SOX5: variants seen among roughly 807,000 people sequenced by gnomAD.
SOX5 encodes the protein transcription factor SOX-5.
Under a neutral mutation model 92.0 loss-of-function variants are expected in SOX5, and 9 were observed. That is an observed-to-expected ratio of 0.10 (90% confidence interval 0.06 to 0.17). The LOEUF (loss-of-function observed/expected upper bound fraction) is 0.17. SOX5 is among the 10% of genes least tolerant of loss of function. The probability of loss-of-function intolerance (pLI) is 1.00; values close to 1 mark genes in which losing one functional copy is unlikely to be tolerated. For missense variants in SOX5, 642 were observed against 944.5 expected, an observed-to-expected ratio of 0.68 and a Z score of 4.20; for synonymous variants, 344 against 336.3, an observed-to-expected ratio of 1.02 and a Z score of -0.25.
Position 24,457,538 on chromosome 12 carries a change from A to G in SOX5, c.-250-88899T>C, listed in dbSNP as rs986015562. Among the ~76,000 whole-genome samples, 5 of 152,172 alleles carry G rather than the reference A, an allele frequency of 3.3e-5. No homozygotes were observed. In the East Asian group the frequency reaches 9.6e-4, roughly 29 times the overall value. ...TAGCCTTGTGGGACTGTGTTTTCAT[A>G]GTAAGATAAGCCTTTGGATAATTTC... On this transcript the variant is annotated intron_variant, in intron 1 of 4. Coordinates refer to the SOX5 transcript ENST00000446891.
At chr12:24,329,204 T>A (rs1318194925) in intron 2 of SOX5, among the ~76,000 whole-genome samples, 1 of 152,242 alleles carries the variant, frequency 6.6e-6, no homozygotes, top group Non-Finnish European at 1.5e-5. Context: ...TATATTAGTC[T>A]GTTCTCACAC....
chr12:24,562,114 T>G (rs2291437), intron 1 of SOX5, among the ~76,000 whole-genome samples: 37,065 of 152,086 alleles, frequency 0.24, 6,506 homozygotes, highest in East Asian at 0.78. Context: ...TCGGGCCGCC[T>G]CCCACCTCTC....
intron 4 of SOX5, among the ~76,000 whole-genome samples, chr12:23,985,416 G>A (rs1419289719): frequency 6.6e-6 from 1 of 151,858 alleles, no homozygotes; most frequent in African/African-American, 2.4e-5. Flanking sequence ...TGCCTGGCCT[G>A]TATTTTTTAA....
At chr12:23,833,290 G>C (rs1267948715) in intron 3 of SOX5, among the ~76,000 whole-genome samples, 1 of 151,870 alleles carries the variant, frequency 6.6e-6, no homozygotes, top group East Asian at 1.9e-4. Context: ...AGAGGTTGTG[G>C]AGGGAAAGAT....
chr12:24,453,644 C>T (rs1942631896), intron 1 of SOX5, among the ~76,000 whole-genome samples: 1 of 152,148 alleles, frequency 6.6e-6, no homozygotes, highest in Admixed American at 6.5e-5. Context: ...AATTCTCTTG[C>T]AGGTGTGATC....
At chr12:23,563,025 A>C (rs1487802565) in intron 11 of SOX5, among the ~76,000 whole-genome samples, 1 of 152,186 alleles carries the variant, frequency 6.6e-6, no homozygotes, top group Non-Finnish European at 1.5e-5. Flanking sequence ...GTGGCGTAAA[A>C]GGGGATATTC....
chr12:24,227,026 T>G (rs1594523969), intron 3 of SOX5: 1 of 152,220 alleles, frequency 6.6e-6, no homozygotes, highest in African/African-American at 2.4e-5. Context: ...TGAGACAGCC[T>G]GGAGATGAGG....
At chr12:23,957,759 A>G (rs993882845) in intron 4 of SOX5, among the ~76,000 whole-genome samples, 1 of 152,184 alleles carries the variant, frequency 6.6e-6, no homozygotes, top group Non-Finnish European at 1.5e-5. Context: ...ATGAAAATAT[A>G]ATATACGCAT....
At chr12:24,317,963 C>A (rs1266880302) in intron 2 of SOX5, among the ~76,000 whole-genome samples, 1 of 152,150 alleles carries the variant, frequency 6.6e-6, no homozygotes, top group African/African-American at 2.4e-5. Flanking sequence ...GTAATCCCGG[C>A]ACTTTGGGAG....
At chr12:24,084,869 T>C (rs1943779488) in intron 4 of SOX5, among the ~76,000 whole-genome samples, 1 of 152,134 alleles carries the variant, frequency 6.6e-6, no homozygotes, top group Admixed American at 6.6e-5. Context: ...TATAGTTATC[T>C]TTTTACTAAT....
chr12:24,426,145 A>T (rs10842343), intron 1 of SOX5, among the ~76,000 whole-genome samples: 51,070 of 151,960 alleles, frequency 0.34, 9,026 homozygotes, highest in Middle Eastern at 0.43. Flanking sequence ...GGTTGCAGTG[A>T]GCCGAGATTG....
intron 1 of SOX5, among the ~76,000 whole-genome samples, chr12:24,496,945 C>T (rs1947699938): frequency 1.3e-5 from 2 of 152,204 alleles, no homozygotes; most frequent in Admixed American, 6.5e-5. Flanking sequence ...CTACAAGCGC[C>T]ACTAAGCATG....
intron 1 of SOX5, among the ~76,000 whole-genome samples, chr12:23,904,069 T>G (rs1334208950): frequency 6.6e-6 from 1 of 152,194 alleles, no homozygotes; most frequent in Non-Finnish European, 1.5e-5. Context: ...ATGCTTTCCT[T>G]TTCTCTCTTA....
At chr12:23,979,205 A>C (rs1210555702) in intron 4 of SOX5, among the ~76,000 whole-genome samples, 1 of 151,924 alleles carries the variant, frequency 6.6e-6, no homozygotes, top group African/African-American at 2.4e-5. Context: ...TAAAATGGTA[A>C]TTAATACCTG....
At chr12:24,506,805 T>C (rs1220012146) in intron 1 of SOX5, among the ~76,000 whole-genome samples, 3 of 136,598 alleles carry the variant, frequency 2.2e-5, no homozygotes, top group African/African-American at 5.7e-5. Flanking sequence ...TTTTTTTTTT[T>C]TGGAGACGGG....
chr12:23,983,100 A>T (rs1271143373), intron 4 of SOX5, among the ~76,000 whole-genome samples: 3 of 123,500 alleles, frequency 2.4e-5, no homozygotes, highest in African/African-American at 8.7e-5. Flanking sequence ...TGGGATCTGG[A>T]GTCCATTTTT....
At chr12:24,553,645 T>C (rs1416253361) in intron 1 of SOX5, among the ~76,000 whole-genome samples, 2 of 150,708 alleles carry the variant, frequency 1.3e-5, no homozygotes, top group Non-Finnish European at 3.0e-5. Flanking sequence ...CAGCAGAGTA[T>C]TTCGAAAACC....
chr12:24,489,941 C>A (rs1946883801), intron 1 of SOX5, among the ~76,000 whole-genome samples: 1 of 152,218 alleles, frequency 6.6e-6, no homozygotes, highest in Non-Finnish European at 1.5e-5. Flanking sequence ...CATTGTCTAA[C>A]TTTTAATGTG....
chr12:23,804,291 T>A (rs574561854), intron 3 of SOX5, among the ~76,000 whole-genome samples: 2 of 152,276 alleles, frequency 1.3e-5, no homozygotes, highest in African/African-American at 4.8e-5. Context: ...GTATCTCCAA[T>A]CTGAAATTCC....
Sources: gnomAD v4.1 joint callset for allele counts (sites outside exome capture counted in the v4.1 genomes callset) on GRCh38, gnomAD v4.1.1 for gene constraint, MANE v1.5 for transcripts, NCBI Gene and HGNC (gene_info 2026-07-23, HGNC 2026-07-21) for gene names.